The following MCF2L variants were observed in gnomAD, a reference collection of about 807,000 sequenced individuals.
MCF2L encodes guanine nucleotide exchange factor DBS.
A neutral mutation model predicts 153.4 loss-of-function variants in MCF2L; 97 were observed. The ratio of observed to expected loss-of-function variants is 0.63; its 90% CI spans 0.54 to 0.75. The LOEUF is 0.75. Among genes scored for constraint, MCF2L ranks in the 30% least tolerant of loss-of-function variants. The pLI is 0.00. For synonymous variants in MCF2L, 659 were observed against 632.2 expected, an observed-to-expected ratio of 1.04 and a Z score of -0.64; for missense variants, 1,347 against 1,495.2, an observed-to-expected ratio of 0.90 and a Z score of 1.64.
chr13:113,095,097 C>T lies in MCF2L; in HGVS notation c.3075+462C>T, dbSNP rs568207908. 8 of 1,355,570 alleles carry T rather than the reference C, an allele frequency of 5.9e-6. No homozygotes were observed. The African/African-American group carries it at 7.4e-5, about 13-fold the overall frequency. The allele number at this position is 1,355,570 out of a possible 1,614,324, so 84.0% of individuals were successfully genotyped here. On this transcript the variant is annotated intron_variant, in intron 27 of 29. Transcript: ENST00000535094. ...CCTTCCTAACTATACATACAATTCT[C>T]ATTTTGTAAGAAAATGGAACTGCTA...
Position 112,943,416 on chromosome 13 carries a change from G to A in MCF2L, c.169+41045G>A, listed in dbSNP as rs1261461592. ...CCGGCTCCGCGCCGCAGGCGTGAACGCCCAACGGAGGGCGCCGGCGCCCGG... is the reference window on the plus strand; with the variant it reads ...CCGGCTCCGCGCCGCAGGCGTGAACACCCAACGGAGGGCGCCGGCGCCCGG... On this transcript the variant is annotated intron_variant, in intron 2 of 29. Transcript: ENST00000375608. This position sits in a 1 kb window ranked among gnomAD's most constrained non-coding sequence, Gnocchi z 4.2. Among the ~76,000 whole-genome samples, 2 of 73,312 alleles carry A rather than the reference G, an allele frequency of 2.7e-5. No homozygotes were observed. Among genetic ancestry groups the A allele is most frequent in the Middle Eastern group, 5.6e-3 (1 of 178 alleles). The allele number at this position is 73,312 out of a possible 152,430, so 48.1% of individuals were successfully genotyped here.
Position 112,907,004 on chromosome 13 carries a change from G to C in MCF2L, c.169+4633G>C, listed in dbSNP as rs1310251109. Among the ~76,000 whole-genome samples, 1 of 152,222 alleles carries C rather than the reference G, an allele frequency of 6.6e-6. No individual in the cohort carries two copies. Among genetic ancestry groups the C allele is most frequent in the Admixed American group, 6.5e-5 (1 of 15,284 alleles). ...GCTTAGGGTGAAGAAGAGCAGCGAA[G>C]AAACAGACACATTTGCCGCCTTGGG... is the stretch of plus-strand genomic sequence containing the variant. On this transcript the variant is annotated intron_variant, in intron 2 of 29. Coordinates refer to the MCF2L transcript ENST00000375608. The surrounding 1 kb of genome is among the most constrained non-coding windows in gnomAD (Gnocchi z 5.1).
intron 2 of MCF2L, chr13:112,956,139 G>A (rs1375390903): frequency 6.6e-6 from 1 of 152,504 alleles, no homozygotes; most frequent in Non-Finnish European, 1.5e-5. Flanking sequence ...GGCCTGGGAG[G>A]GCATCCCTGG....
At position 113,098,865 on chromosome 13, in the gene MCF2L, G is replaced by T. The variant is rs905495437; in HGVS notation, c.*2006G>T. On this transcript the variant is annotated 3_prime_UTR_variant, in exon 30 of 30. Coordinates refer to ENST00000535094, the MANE Select transcript of MCF2L (RefSeq NM_001112732.3). ...AAAGGGAGCATAAAGAAAGGGTATT[G>T]ATCCAATAGAAGAAGGGAAGGGTGG... The T allele has an allele frequency of 1.3e-5, 2 of 152,322 alleles. No individual in the cohort carries two copies. Among genetic ancestry groups the T allele is most frequent in the Non-Finnish European group, 2.9e-5 (2 of 68,066 alleles). 9.4% of individuals were successfully genotyped at this position (152,322 alleles called of 1,614,324 possible).
In MCF2L at chr13:113,078,488, C is replaced by T. The variant is rs779578581; in HGVS notation, c.1734+52C>T. On this transcript the variant is annotated intron_variant, in intron 14 of 29. Transcript: ENST00000535094. ...CATCCACACCCCCCTCCTTGGTTCA[C>T]GCTGGGCCTGGTTCTCCGTGTGGCC... 2.0e-5 allele frequency: 30 copies of T among 1,530,538 alleles called. No individual in the cohort carries two copies. In the East Asian group the frequency reaches 2.3e-4, roughly 12 times the overall value. The allele number at this position is 1,530,538 out of a possible 1,614,324, so 94.8% of individuals were successfully genotyped here. A position where few individuals can be genotyped will look rare whatever the true frequency, so the allele number is the denominator to read the frequency against.
At chr13:112,981,396 C>A (rs560488457) in intron 1 of MCF2L, among the ~76,000 whole-genome samples, 194 of 152,356 alleles carry the variant, frequency 1.3e-3, no homozygotes, top group African/African-American at 4.5e-3. Context: ...GTGTCATCCG[C>A]TGTGAGTTCT....
At chr13:113,088,527 C>G in intron 24 of MCF2L, 35 bp from the exon 25 acceptor site, 1 of 1,611,324 alleles carries the variant, frequency 6.2e-7, no homozygotes. Flanking sequence ...AGTAAAGACG[C>G]TCGTTCACGT....
chr13:113,081,064 G>C, intron 15 of MCF2L, 149 bp from the exon 16 acceptor site: 6 of 598,074 alleles, frequency 1.0e-5, no homozygotes, highest in Non-Finnish European at 1.4e-5. Flanking sequence ...GAACCCCGAG[G>C]AGCGTCCAGC....
At chr13:112,956,981 A>G (rs1237543241) in intron 2 of MCF2L, 1 of 152,090 alleles carries the variant, frequency 6.6e-6, no homozygotes, top group African/African-American at 2.4e-5. Flanking sequence ...TTTTAGAAGC[A>G]TGTGTGTGTT....
intron 2 of MCF2L, among the ~76,000 whole-genome samples, chr13:112,962,934 C>G (rs1395970795): frequency 6.6e-6 from 1 of 152,212 alleles, no homozygotes; most frequent in Non-Finnish European, 1.5e-5. Context: ...CACTGCTGAC[C>G]AAGCATCTGG....
At chr13:112,942,023 A>G (rs1239320919) in intron 2 of MCF2L, among the ~76,000 whole-genome samples, 2 of 152,334 alleles carry the variant, frequency 1.3e-5, no homozygotes, top group Admixed American at 6.5e-5. Context: ...GTCAGTGTCA[A>G]GGAAAAACAC....
At chr13:113,088,222 C>T (rs2034827882) in intron 23 of MCF2L, 105 bp from the exon 24 acceptor site, 1 of 1,012,412 alleles carries the variant, frequency 9.9e-7, no homozygotes. Context: ...AGCCACCTGA[C>T]CTTTGACTCC....
At chr13:112,962,978 G>A (rs1356480004) in intron 2 of MCF2L, among the ~76,000 whole-genome samples, 3 of 152,220 alleles carry the variant, frequency 2.0e-5, no homozygotes, top group Non-Finnish European at 1.5e-5. Context: ...TCCCCTCTCT[G>A]AGCAGCTAAA....
chr13:113,064,151 C>T lies in MCF2L; in HGVS notation c.490-153C>T, dbSNP rs1171489000. On this transcript the variant is annotated intron_variant, in intron 5 of 29. Transcript: ENST00000535094. The surrounding 1 kb of genome is among the most constrained non-coding windows in gnomAD (Gnocchi z 6.0). ...GCTGCATCCCATCCGCACATCCATC[C>T]GCAGTGTCCAGGTGCCCCCACCCAC... Among the ~76,000 whole-genome samples, 3 of 152,206 alleles carry T rather than the reference C, an allele frequency of 2.0e-5. No homozygotes were observed. The highest frequency in any genetic ancestry group is 3.9e-4 in the East Asian group (2 of 5,188).
rs1050938192 is a variant in MCF2L at position 113,053,257 on chromosome 13, G to A, written c.370-7336G>A. 5.9e-5 allele frequency among the ~76,000 whole-genome samples: 9 copies of A among 152,204 alleles called. No individual in the cohort carries two copies. Among genetic ancestry groups the A allele is most frequent in the South Asian group, 2.1e-4 (1 of 4,830 alleles). On this transcript the variant is annotated intron_variant, in intron 4 of 29. Coordinates refer to ENST00000535094, the MANE Select transcript of MCF2L (RefSeq NM_001112732.3). The surrounding 1 kb of genome is among the most constrained non-coding windows in gnomAD (Gnocchi z 4.4). ...TTAAAATCCAGGTCCAGTGAAGGAC[G>A]GCGCCCCCGTCAGCTGTCCACCCTT...
intron 17 of MCF2L, among the ~76,000 whole-genome samples, chr13:113,082,766 T>C (rs1349200884): frequency 6.6e-6 from 1 of 151,892 alleles, no homozygotes; most frequent in Non-Finnish European, 1.5e-5. Context: ...GGCAGCCAAG[T>C]TGTAAGTGAG....
intron 2 of MCF2L, chr13:112,917,247 A>G (rs2081303370): frequency 2.2e-6 from 1 of 462,580 alleles, no homozygotes; most frequent in Admixed American, 2.4e-5. Flanking sequence ...CGCATCCTAC[A>G]GGTCTCCCAG....
Position 112,924,504 on chromosome 13 carries a change from G to A in MCF2L, c.169+22133G>A, listed in dbSNP as rs180673314. ...AATGGGAGAGATAATATTTATAGTA[G>A]CAAAAATAAAGTACCTCTGTTTTTA... On this transcript the variant is annotated intron_variant, in intron 2 of 29. Coordinates refer to the MCF2L transcript ENST00000375608. Among the ~76,000 whole-genome samples the A allele has an allele frequency of 1.1e-4, 16 of 152,224 alleles. No homozygotes were observed. The East Asian group carries it at 2.7e-3, about 26-fold the overall frequency.
chr13:112,895,974 C>T (rs1189118049), intron 1 of MCF2L, among the ~76,000 whole-genome samples: 2 of 152,190 alleles, frequency 1.3e-5, no homozygotes, highest in African/African-American at 2.4e-5. Flanking sequence ...TGAGGGGGGC[C>T]CCTCCCCTGG....
Sources: allele counts gnomAD v4.1 joint callset (sites outside exome capture counted in the v4.1 genomes callset), GRCh38; gene constraint gnomAD v4.1.1; non-coding constraint Gnocchi (gnomAD v3.1); transcripts MANE v1.5; gene names NCBI Gene and HGNC (gene_info 2026-07-23, HGNC 2026-07-21).